Variants in KCNAB1 observed in about 807,000 individuals in gnomAD.
KCNAB1 encodes potassium voltage-gated channel subfamily A regulatory beta subunit 1.
KCNAB1 carries 35 observed loss-of-function variants against 64.6 expected under a neutral mutation model. The ratio of observed to expected loss-of-function variants is 0.54; its 90% CI spans 0.41 to 0.72. The LOEUF is 0.72. Ranked by LOEUF, KCNAB1 falls within the 30% of genes least tolerant of loss-of-function variation. The pLI is 0.00. For synonymous variants in KCNAB1, 177 were observed against 183.8 expected, an observed-to-expected ratio of 0.96 and a Z score of 0.30; for missense variants, 401 against 512.9, an observed-to-expected ratio of 0.78 and a Z score of 2.11.
At chr3:156,223,668 C>T (rs768492650) in intron 1 of KCNAB1, among the ~76,000 whole-genome samples, 4 of 151,164 alleles carry the variant, frequency 2.6e-5, no homozygotes, top group Non-Finnish European at 5.9e-5. Flanking sequence ...CCCACCAGAT[C>T]AGCTAGACAC....
At chr3:156,268,129 A>T (rs1241500474) in intron 1 of KCNAB1, among the ~76,000 whole-genome samples, 1 of 152,056 alleles carries the variant, frequency 6.6e-6, no homozygotes, top group Non-Finnish European at 1.5e-5. Flanking sequence ...AAATGAGAAC[A>T]TGCAAAGTTT....
chr3:156,256,181 G>C (rs919760577), intron 1 of KCNAB1, among the ~76,000 whole-genome samples: 11 of 152,180 alleles, frequency 7.2e-5, no homozygotes, highest in Non-Finnish European at 1.5e-4. Flanking sequence ...ATGAAAAAGT[G>C]TTATGTTTTC....
At chr3:156,439,223 GATTT>G (rs1716818049) in intron 2 of KCNAB1, among the ~76,000 whole-genome samples, 1 of 100,916 alleles carries the variant, frequency 9.9e-6, no homozygotes, top group Admixed American at 1.2e-4. Flanking sequence ...GCATCATTGT[GATTT>G]TTTTTTTTTT....
At chr3:156,414,966 A>G (rs1391549959) in intron 1 of KCNAB1, among the ~76,000 whole-genome samples, 1 of 152,188 alleles carries the variant, frequency 6.6e-6, no homozygotes, top group African/African-American at 2.4e-5. Flanking sequence ...TCATTTCTCC[A>G]AAGTGCCACC....
At chr3:156,288,701 C>T (rs1036886878) in intron 1 of KCNAB1, among the ~76,000 whole-genome samples, 3 of 152,204 alleles carry the variant, frequency 2.0e-5, no homozygotes. Flanking sequence ...GAGACTAGCA[C>T]TGTGAGCATC....
intron 2 of KCNAB1, among the ~76,000 whole-genome samples, chr3:156,433,393 C>T (rs1716363256): frequency 6.6e-6 from 1 of 152,084 alleles, no homozygotes; most frequent in Non-Finnish European, 1.5e-5. Flanking sequence ...GAATTCAGGA[C>T]CACACAGTCA....
intron 1 of KCNAB1, among the ~76,000 whole-genome samples, chr3:156,401,068 T>G (rs1304300697): frequency 6.6e-6 from 1 of 152,024 alleles, no homozygotes; most frequent in Admixed American, 6.6e-5. Flanking sequence ...TCTTGGGGGG[T>G]TTATATAATT....
chr3:156,518,803 C>A (rs2108399217), intron 11 of KCNAB1, among the ~76,000 whole-genome samples: 1 of 152,306 alleles, frequency 6.6e-6, no homozygotes, highest in South Asian at 2.1e-4. Context: ...TTTGTGTTAT[C>A]AGCTCTGACT....
chr3:156,236,805 G>C (rs1042690855), intron 1 of KCNAB1, among the ~76,000 whole-genome samples: 2 of 152,036 alleles, frequency 1.3e-5, no homozygotes, highest in Non-Finnish European at 2.9e-5. Context: ...CCTGAAACTA[G>C]AATTGTTTAT....
chr3:156,421,168 C>T (rs1402101295), intron 1 of KCNAB1, among the ~76,000 whole-genome samples: 3 of 152,136 alleles, frequency 2.0e-5, no homozygotes, highest in Non-Finnish European at 4.4e-5. Context: ...TGTGTCAGGC[C>T]ATTCAACACA....
rs1429244991 is a variant in KCNAB1, at chr3:156,465,668, A to G, written c.553A>G (p.Arg185Gly). The G allele has an allele frequency of 1.9e-6, 3 of 1,613,584 alleles. No individual in the cohort carries two copies. Among genetic ancestry groups the G allele is most frequent in the Non-Finnish European group, 2.5e-6 (3 of 1,179,554 alleles). ...GKAETERGLS[R>G]KHIIEGLKGS... ...AGCTGAAACAGAAAGAGGGCTGTCA[A>G]GAAAGCATATTATTGAAGGTGGGTA... The change falls in exon 7 of 14, where the codon AGA (arginine) becomes GGA (glycine). Residue 185 changes from arginine (R) to glycine (G), a missense_variant. Coordinates refer to ENST00000490337, the MANE Select transcript of KCNAB1 (RefSeq NM_172160.3).
chr3:156,370,815 G>A (rs991809598), intron 1 of KCNAB1, among the ~76,000 whole-genome samples: 34 of 152,240 alleles, frequency 2.2e-4, no homozygotes, highest in South Asian at 2.1e-4. Context: ...CTCACATACA[G>A]GGGAGAGATT....
At chr3:156,406,155 G>A (rs1465352713) in intron 1 of KCNAB1, among the ~76,000 whole-genome samples, 2 of 152,118 alleles carry the variant, frequency 1.3e-5, no homozygotes, top group African/African-American at 4.8e-5. Flanking sequence ...AATTCAGAGA[G>A]CAATATTTAT....
At chr3:156,413,612 A>G (rs1034296690) in intron 1 of KCNAB1, among the ~76,000 whole-genome samples, 1 of 152,206 alleles carries the variant, frequency 6.6e-6, no homozygotes, top group African/African-American at 2.4e-5. Context: ...GCACTGCCGC[A>G]CTATGCTGCA....
rs894056944 is a variant in KCNAB1, at chr3:156,509,247, C to T, written c.659-5117C>T. Among the ~76,000 whole-genome samples, 3 of 152,264 alleles carry T rather than the reference C, an allele frequency of 2.0e-5. No individual in the cohort carries two copies. The East Asian group carries it at 5.8e-4, about 29-fold the overall frequency. On this transcript the variant is annotated intron_variant, in intron 8 of 13. Coordinates refer to ENST00000490337, the MANE Select transcript of KCNAB1 (RefSeq NM_172160.3). ...CGTTTGTATCCATTGAAATGGCTTA[C>T]TTGGGAATAGTATAAAGCAGTGTGT... is the stretch of plus-strand genomic sequence containing the variant.
chr3:156,360,986 G>A (rs1725572191), intron 1 of KCNAB1, among the ~76,000 whole-genome samples: 1 of 152,108 alleles, frequency 6.6e-6, no homozygotes, highest in African/African-American at 2.4e-5. Context: ...ACAGCAGCCA[G>A]TGATACTTTT....
At chr3:156,246,690 T>C (rs1717479898) in intron 1 of KCNAB1, among the ~76,000 whole-genome samples, 1 of 151,084 alleles carries the variant, frequency 6.6e-6, no homozygotes, top group Non-Finnish European at 1.5e-5. Flanking sequence ...TATTGTGCCA[T>C]ATTACAAAAT....
chr3:156,132,518 A>G (rs557977964), intron 1 of KCNAB1, among the ~76,000 whole-genome samples: 208 of 152,146 alleles, frequency 1.4e-3, no homozygotes, highest in African/African-American at 4.8e-3. Context: ...CCATTGTGAG[A>G]TGGAGTTGCT....
At chr3:156,140,552 C>T (rs545042303) in intron 1 of KCNAB1, among the ~76,000 whole-genome samples, 8 of 152,262 alleles carry the variant, frequency 5.3e-5, no homozygotes, top group African/African-American at 1.7e-4. Flanking sequence ...GATCACAACT[C>T]GCTTACCTCC....
Sources: allele counts gnomAD v4.1 joint callset (sites outside exome capture counted in the v4.1 genomes callset), GRCh38; gene constraint gnomAD v4.1.1; transcripts MANE v1.5; gene names NCBI Gene and HGNC (gene_info 2026-07-23, HGNC 2026-07-21).